The following PTPRB variants were observed in gnomAD, a reference collection of about 807,000 sequenced individuals.
PTPRB encodes protein tyrosine phosphatase receptor type B.
A neutral mutation model predicts 238.1 loss-of-function variants in PTPRB; 97 were observed. That is an observed-to-expected ratio of 0.41 (90% CI 0.35 to 0.48). The LOEUF is 0.48. PTPRB is among the 20% of genes least tolerant of loss of function. The probability of loss-of-function intolerance (pLI) is 0.30; values close to 1 mark genes in which losing one functional copy is unlikely to be tolerated. For synonymous variants in PTPRB, 970 were observed against 995.4 expected, an observed-to-expected ratio of 0.97 and a Z score of 0.48; for missense variants, 2,292 against 2,681.9, an observed-to-expected ratio of 0.85 and a Z score of 3.21.
intron 9 of PTPRB, among the ~76,000 whole-genome samples, chr12:70,581,547 T>G (rs1486356731): frequency 2.6e-5 from 4 of 152,172 alleles, no homozygotes; most frequent in African/African-American, 9.7e-5. Context: ...GATGAGATGA[T>G]GCATGCTTAT....
chr12:70,628,477 T>A (rs903583752), intron 2 of PTPRB, among the ~76,000 whole-genome samples: 1 of 152,192 alleles, frequency 6.6e-6, no homozygotes, highest in Non-Finnish European at 1.5e-5. Flanking sequence ...TATCGGCCCA[T>A]GGATTTGCGT....
intron 29 of PTPRB, among the ~76,000 whole-genome samples, chr12:70,535,316 A>G (rs1873955419): frequency 6.6e-6 from 1 of 151,494 alleles, no homozygotes. Context: ...CTTTCTAAAG[A>G]AAGAAATATC....
rs1267875313 is a variant in PTPRB at position 70,540,005 on chromosome 12, G to A, written c.5612C>T (p.Pro1871Leu). The A allele has an allele frequency of 6.2e-7, 1 of 1,608,488 alleles. No individual in the cohort carries two copies. Among genetic ancestry groups the A allele is most frequent in the African/African-American group, 1.3e-5 (1 of 74,790 alleles). Reference sequence around the variant, plus strand: ...CCTACGAATGCTCAGACGGGCAGAGGGTCTTTCTCGACCATGGCTGAAACA... The same window carrying A: ...CCTACGAATGCTCAGACGGGCAGAGAGTCTTTCTCGACCATGGCTGAAACA... ...RQKVSHGRER[P>L]SARLSIRRDR... is the part of the protein sequence containing the mutation. The change falls in exon 24 of 34, where the codon CCC becomes CTC. Residue 1871 changes from proline (P) to leucine (L), a missense_variant. By Grantham distance (98) the Pro-to-Leu change is moderately conservative. Coordinates refer to ENST00000334414, the MANE Select transcript of PTPRB (RefSeq NM_001109754.4).
At position 70,520,187 on chromosome 12, in the gene PTPRB, A is replaced by G. The variant is rs765150739; in HGVS notation, c.*1302T>C. The G allele has an allele frequency of 1.7e-5, 8 of 476,548 alleles. No homozygotes were observed. The highest frequency in any genetic ancestry group is 3.2e-4 in the Middle Eastern group (1 of 3,120). The allele number at this position is 476,548 out of a possible 1,614,324, so 29.5% of individuals were successfully genotyped here. A position where few individuals can be genotyped will look rare whatever the true frequency, so the allele number is the denominator to read the frequency against. ...GAAGATTCCGTACAAACTCCTTTCA[A>G]ATTTTTCCCAGGAATGCTGTCGGAA... On this transcript the variant is annotated 3_prime_UTR_variant, in exon 34 of 34. Transcript: ENST00000334414.
At chr12:70,542,153 G>C (rs1294324692) in intron 22 of PTPRB, 2 of 152,014 alleles carry the variant, frequency 1.3e-5, no homozygotes, top group South Asian at 4.1e-4. Flanking sequence ...TGGGTGTGAA[G>C]TGGTATCTTC....
At chr12:70,588,316 T>G (rs2136450522) in intron 8 of PTPRB, among the ~76,000 whole-genome samples, 1 of 152,220 alleles carries the variant, frequency 6.6e-6, no homozygotes, top group East Asian at 1.9e-4. Flanking sequence ...GTTACCTGAA[T>G]AAGGTGAACC....
chr12:70,548,346 T>TCTCACA (rs1298500250), intron 21 of PTPRB, among the ~76,000 whole-genome samples: 1 of 97,104 alleles, frequency 1.0e-5, no homozygotes, highest in Non-Finnish European at 2.2e-5. Flanking sequence ...TCTCTCTCTC[T>TCTCACA]CACACACACA....
intron 20 of PTPRB, among the ~76,000 whole-genome samples, chr12:70,554,395 A>C (rs1877341083): frequency 6.6e-6 from 1 of 152,236 alleles, no homozygotes; most frequent in Non-Finnish European, 1.5e-5. Context: ...CTTTTGGAGA[A>C]ATAACACACA....
At chr12:70,529,771 G>T (rs1342311435) in intron 32 of PTPRB, among the ~76,000 whole-genome samples, 3 of 152,182 alleles carry the variant, frequency 2.0e-5, no homozygotes. Flanking sequence ...TGGGGATAAT[G>T]AAGGGTTCAG....
chr12:70,576,258 C>T (rs555691601), intron 11 of PTPRB, 124 bp downstream of exon 11: 12 of 1,081,722 alleles, frequency 1.1e-5, no homozygotes, highest in East Asian at 2.6e-5. Context: ...ACGAAGACTT[C>T]ATAACAGTTT....
chr12:70,609,436 T>G (rs919196538), intron 3 of PTPRB, 97 bp from the exon 4 acceptor site: 12 of 1,452,750 alleles, frequency 8.3e-6, no homozygotes, highest in Non-Finnish European at 1.1e-5. Context: ...TCTCCTCTAC[T>G]TATCCTTTGT....
chr12:70,601,793 T>C (rs1357671762), intron 4 of PTPRB, among the ~76,000 whole-genome samples: 1 of 87,370 alleles, frequency 1.1e-5, no homozygotes, highest in Non-Finnish European at 2.3e-5. Flanking sequence ...CTTTTTTCTT[T>C]TTTTTTTTTT....
chr12:70,529,602 T>C (rs903568893), intron 32 of PTPRB, among the ~76,000 whole-genome samples: 1 of 152,300 alleles, frequency 6.6e-6, no homozygotes, highest in Middle Eastern at 3.4e-3. Context: ...CCTCTAGGAA[T>C]GCATAGTCTT....
In PTPRB at chr12:70,555,211, C is replaced by T. The variant is rs775829052; in HGVS notation, c.5092G>A (p.Asp1698Asn). ...AAGTATTTCACAGCTCCATTGGTGT[C>T]GCTGAACCAGCTGCAGTTGACAGTA... Reference protein sequence around the residue: ...NFTVNCSWFSDTNGAVKYFTV... With the variant: ...NFTVNCSWFSNTNGAVKYFTV... The change falls in exon 20 of 34, where the codon GAC becomes AAC. Residue 1698 changes from aspartate to asparagine, a missense_variant. Coordinates refer to ENST00000334414, the MANE Select transcript of PTPRB (RefSeq NM_001109754.4). The T allele has an allele frequency of 8.1e-6, 13 of 1,613,776 alleles. No homozygotes were observed. The highest frequency in any genetic ancestry group is 1.3e-5 in the African/African-American group (1 of 74,896).
At chr12:70,541,976 A>G (rs1315553233) in intron 22 of PTPRB, 2 of 150,846 alleles carry the variant, frequency 1.3e-5, no homozygotes, top group Non-Finnish European at 2.9e-5. Context: ...TATACTGAGG[A>G]GTGAAATTGC....
chr12:70,537,956 C>T, intron 28 of PTPRB, 199 bp downstream of exon 28: 1 of 508,244 alleles, frequency 2.0e-6, no homozygotes, highest in Non-Finnish European at 3.5e-6. Flanking sequence ...TTTCATTTGA[C>T]TATAGCCATT....
At chr12:70,621,636 G>C (rs1201162901) in intron 3 of PTPRB, among the ~76,000 whole-genome samples, 1 of 152,326 alleles carries the variant, frequency 6.6e-6, no homozygotes, top group Non-Finnish European at 1.5e-5. Flanking sequence ...CAATGCAAAA[G>C]ATACCAGAAT....
At chr12:70,602,540 G>A (rs1289408024) in intron 4 of PTPRB, among the ~76,000 whole-genome samples, 8 of 152,126 alleles carry the variant, frequency 5.3e-5, no homozygotes, top group Non-Finnish European at 1.2e-4. Flanking sequence ...AGGCATTAAG[G>A]CATTATTGTT....
In PTPRB at chr12:70,526,044, C is replaced by G. The variant is rs186254498; in HGVS notation, c.6505-1453G>C. ...TTGAGATACAAAGTAGAACAATTAG[C>G]TCTTTCCTCACTAACAATCTTTCCA... On this transcript the variant is annotated intron_variant, in intron 32 of 33. Transcript: ENST00000334414. Among the ~76,000 whole-genome samples, 9 of 152,272 alleles carry G rather than the reference C, an allele frequency of 5.9e-5. No individual in the cohort carries two copies. In the East Asian group the frequency reaches 1.7e-3, roughly 29 times the overall value.
Sources: allele counts gnomAD v4.1 joint callset (sites outside exome capture counted in the v4.1 genomes callset), GRCh38; gene constraint gnomAD v4.1.1; transcripts MANE v1.5; gene names NCBI Gene and HGNC (gene_info 2026-07-23, HGNC 2026-07-21).